The following RUNX2 variants were observed in gnomAD, a reference collection of about 807,000 sequenced individuals.
RUNX2 encodes runt-related transcription factor 2.
RUNX2 carries 10 observed loss-of-function variants against 51.7 expected under a neutral mutation model. The ratio of observed to expected loss-of-function variants is 0.19; its 90% CI spans 0.12 to 0.33. The LOEUF (loss-of-function observed/expected upper bound fraction) is 0.33, where lower values mean the gene tolerates loss of function less well. Among genes scored for constraint, RUNX2 ranks in the 10% least tolerant of loss-of-function variants. RUNX2 has a pLI of 1.00. For synonymous variants in RUNX2, 276 were observed against 273.6 expected (o/e 1.01, Z -0.09); for missense variants, 562 against 691.3 (o/e 0.81, Z 2.10).
intron 2 of RUNX2, among the ~76,000 whole-genome samples, chr6:45,378,741 C>G (rs1797132191): frequency 6.6e-6 from 1 of 151,292 alleles, no homozygotes; most frequent in African/African-American, 2.4e-5. Flanking sequence ...CAGTATTGTA[C>G]TGTACATTCT....
intron 5 of RUNX2, among the ~76,000 whole-genome samples, chr6:45,462,623 G>A (rs1173677087): frequency 4.6e-5 from 7 of 152,218 alleles, no homozygotes; most frequent in African/African-American, 4.8e-5. Context: ...TCACAATAGA[G>A]TTTTTAAAAC....
chr6:45,439,371 T>C (rs1219709022), intron 5 of RUNX2, among the ~76,000 whole-genome samples: 1 of 152,148 alleles, frequency 6.6e-6, no homozygotes. Flanking sequence ...TAAGGGCTAG[T>C]GGTTATGGAG....
At chr6:45,485,693 G>GTATATATATATATATATA (rs1257977356) in intron 5 of RUNX2, among the ~76,000 whole-genome samples, 103 of 101,788 alleles carry the variant, frequency 1.0e-3, no homozygotes, top group African/African-American at 3.3e-3. Context: ...GTGTGTGTGT[G>GTATATATATATATATATA]TGTGTATATA....
intron 4 of RUNX2, among the ~76,000 whole-genome samples, chr6:45,437,145 C>T (rs1798706043): frequency 6.6e-6 from 1 of 152,182 alleles, no homozygotes; most frequent in South Asian, 2.1e-4. Flanking sequence ...TCTCTTTTCC[C>T]CTTCTTATTC....
At position 45,475,892 on chromosome 6, in the gene RUNX2, G is replaced by A. The variant is rs556098947; in HGVS notation, c.686-16049G>A. On this transcript the variant is annotated intron_variant, in intron 5 of 8. Transcript: ENST00000647337. ...CTAGAAAATAAGCCCATTACAAAAC[G>A]ATGATAATCATGTTTTTTCAAGGGA... 6.6e-5 allele frequency among the ~76,000 whole-genome samples: 10 copies of A among 152,298 alleles called. No homozygotes were observed. In the South Asian group the frequency reaches 1.0e-3, roughly 16 times the overall value.
chr6:45,546,736 A>C, intron 8 of RUNX2, 91 bp from the exon 9 acceptor site: 1 of 1,167,526 alleles, frequency 8.6e-7, no homozygotes, highest in Middle Eastern at 2.2e-4. Flanking sequence ...GGAAAGCTAA[A>C]GTTTTCTCTT....
In RUNX2 at chr6:45,487,274, G is replaced by A. The variant is rs1017763635; in HGVS notation, c.686-4667G>A. 8.5e-5 allele frequency among the ~76,000 whole-genome samples: 13 copies of A among 152,254 alleles called. No homozygotes were observed. The East Asian group carries it at 9.6e-4, about 11-fold the overall frequency. The stretch of plus-strand genomic sequence containing the variant: ...GGCAATGGGAGAGAAAACAGCCCCA[G>A]GCCAGCAATCAGGAAAACTGAGTCT... On this transcript the variant is annotated intron_variant, in intron 5 of 8. Coordinates refer to ENST00000647337, the MANE Select transcript of RUNX2 (RefSeq NM_001024630.4).
At chr6:45,486,344 A>G (rs548582044) in intron 5 of RUNX2, among the ~76,000 whole-genome samples, 1 of 152,306 alleles carries the variant, frequency 6.6e-6, no homozygotes, top group Admixed American at 6.5e-5. Flanking sequence ...CCTCCTCACA[A>G]TACCTAGTGA....
chr6:45,336,178 G>A (rs1788512515), intron 2 of RUNX2, among the ~76,000 whole-genome samples: 7 of 147,122 alleles, frequency 4.8e-5, no homozygotes, highest in Admixed American at 4.3e-4. Flanking sequence ...AATTTAGAAG[G>A]AAAACTTAAC....
At chr6:45,376,196 T>C (rs771486453) in intron 2 of RUNX2, among the ~76,000 whole-genome samples, 1 of 152,234 alleles carries the variant, frequency 6.6e-6, no homozygotes, top group Non-Finnish European at 1.5e-5. Flanking sequence ...TTTGTCAAGA[T>C]GTAAATAAGT....
intron 5 of RUNX2, among the ~76,000 whole-genome samples, chr6:45,476,894 G>T (rs541229704): frequency 7.5e-4 from 114 of 152,246 alleles, no homozygotes; most frequent in Middle Eastern, 3.4e-3. Context: ...GAAGCATTTA[G>T]AAATATGAAT....
chr6:45,548,519 A>G lies in RUNX2; in HGVS notation c.*1214A>G, dbSNP rs1272344914. The G allele has an allele frequency of 6.5e-6, 1 of 152,702 alleles. No homozygotes were observed. Among genetic ancestry groups the G allele is most frequent in the African/African-American group, 2.4e-5 (1 of 41,472 alleles). 9.5% of individuals were successfully genotyped at this position (152,702 alleles called of 1,614,324 possible). On this transcript the variant is annotated 3_prime_UTR_variant, in exon 9 of 9. Transcript: ENST00000647337. Reference sequence around the variant, plus strand: ...AAAGCGGTAATTAGGGATTTAAAAAACAACCTTTAGCCCTTTATCAGCATG... The same window carrying G: ...AAAGCGGTAATTAGGGATTTAAAAAGCAACCTTTAGCCCTTTATCAGCATG...
At chr6:45,407,363 T>C (rs1000652036) in intron 2 of RUNX2, among the ~76,000 whole-genome samples, 2 of 152,132 alleles carry the variant, frequency 1.3e-5, no homozygotes, top group African/African-American at 2.4e-5. Flanking sequence ...ATATATGTAA[T>C]GCAGGGGAAA....
chr6:45,545,121 C>T lies in RUNX2; in HGVS notation c.1022-96C>T, dbSNP rs985276502. 92 of 997,344 alleles carry T rather than the reference C, an allele frequency of 9.2e-5. 1 individual carries two copies. Among genetic ancestry groups the T allele is most frequent in the East Asian group, 5.5e-4 (21 of 38,460 alleles). 61.8% of individuals were successfully genotyped at this position (997,344 alleles called of 1,614,324 possible). ...ATGGGAACCTCTCTGTCTACCCCTC[C>T]CCTAAGGCTGTTGCTTCTCCTTCTC... On this transcript the variant is annotated intron_variant, in intron 7 of 8. Transcript: ENST00000647337.
At chr6:45,433,179 A>G (rs1798591397) in intron 4 of RUNX2, among the ~76,000 whole-genome samples, 1 of 152,188 alleles carries the variant, frequency 6.6e-6, no homozygotes, top group African/African-American at 2.4e-5. Context: ...AGATACTGTC[A>G]CTGACATGTT....
intron 7 of RUNX2, among the ~76,000 whole-genome samples, chr6:45,519,826 GTGTGTGTGTGTA>G (rs1449024019): frequency 3.7e-5 from 5 of 136,060 alleles, no homozygotes; most frequent in South Asian, 2.4e-4. Flanking sequence ...GTGTGTGTGT[GTGTGTGTGTGTA>G]TATATTTGAG....
rs184715196 is a variant in RUNX2 at position 45,415,191 on chromosome 6, G to T, written c.59-7402G>T. ...CCAATGAGGACAGAGAAACCATATA[G>T]TAATTTGAATAAGAAAAGTTTAATG... is the stretch of plus-strand genomic sequence containing the variant. On this transcript the variant is annotated intron_variant, in intron 2 of 8. Transcript: ENST00000647337. 4.4e-4 allele frequency among the ~76,000 whole-genome samples: 67 copies of T among 152,262 alleles called. No individual in the cohort carries two copies. The East Asian group carries it at 0.012, about 26-fold the overall frequency.
At chr6:45,440,506 C>T (rs1264410845) in intron 5 of RUNX2, among the ~76,000 whole-genome samples, 2 of 152,126 alleles carry the variant, frequency 1.3e-5, no homozygotes, top group African/African-American at 4.8e-5. Context: ...CTCTGTGGGC[C>T]GTATGGTGGT....
At chr6:45,539,192 A>ACCT (rs1186843975) in intron 7 of RUNX2, among the ~76,000 whole-genome samples, 1 of 135,146 alleles carries the variant, frequency 7.4e-6, no homozygotes, top group Non-Finnish European at 1.6e-5. Context: ...GAATGGCTGA[A>ACCT]TTTTCTGAAA....
Sources: gnomAD v4.1 joint callset for allele counts (sites outside exome capture counted in the v4.1 genomes callset) on GRCh38, gnomAD v4.1.1 for gene constraint, MANE v1.5 for transcripts, NCBI Gene and HGNC (gene_info 2026-07-23, HGNC 2026-07-21) for gene names.